The following CDH13 variants were observed in gnomAD, a reference collection of about 807,000 sequenced individuals.
CDH13 encodes cadherin-13.
A neutral mutation model predicts 63.8 loss-of-function variants in CDH13; 24 were observed. That is an observed-to-expected ratio of 0.38 (90% CI 0.27 to 0.53). CDH13 has a LOEUF of 0.53. Among genes scored for constraint, CDH13 ranks in the 20% least tolerant of loss-of-function variants. The probability of loss-of-function intolerance (pLI) is 0.85; values close to 1 mark genes in which losing one functional copy is unlikely to be tolerated. For synonymous variants in CDH13, 503 were observed against 355.3 expected (o/e 1.42, Z -4.67); for missense variants, 1,049 against 903.1 (o/e 1.16, Z -2.07).
intron 1 of CDH13, among the ~76,000 whole-genome samples, chr16:82,851,766 A>C (rs2039498303): frequency 6.6e-6 from 1 of 151,852 alleles, no homozygotes; most frequent in African/African-American, 2.4e-5. Context: ...GCCTTTGTAA[A>C]CCCTTCCAGG....
intron 2 of CDH13, chr16:82,990,296 G>T (rs1448096945): frequency 6.6e-6 from 1 of 152,136 alleles, no homozygotes; most frequent in Non-Finnish European, 1.5e-5. Flanking sequence ...CAAGGAGGAT[G>T]GCATCATCTT....
intron 3 of CDH13, among the ~76,000 whole-genome samples, chr16:83,104,583 G>C (rs74033154): frequency 0.022 from 3,384 of 151,882 alleles, 137 homozygotes; most frequent in African/African-American, 0.077. Context: ...CTTGAGGTTT[G>C]GGGAAGGCTT....
intron 11 of CDH13, among the ~76,000 whole-genome samples, chr16:83,776,731 T>A (rs1333231660): frequency 6.6e-6 from 1 of 152,198 alleles, no homozygotes; most frequent in Non-Finnish European, 1.5e-5. Context: ...CTTATCCTCG[T>A]AGGGGTCATG....
intron 6 of CDH13, among the ~76,000 whole-genome samples, chr16:83,469,878 G>A (rs1354009056): frequency 2.0e-5 from 3 of 152,208 alleles, no homozygotes; most frequent in South Asian, 2.1e-4. Flanking sequence ...AATACAATGT[G>A]TGCATTACAC....
chr16:82,961,285 G>T (rs34071857), intron 2 of CDH13, among the ~76,000 whole-genome samples: 24,546 of 152,150 alleles, frequency 0.16, 2,050 homozygotes, highest in Middle Eastern at 0.21. Flanking sequence ...ACAGCCGCCC[G>T]TCATTTTCCC....
chr16:82,989,784 C>T (rs1911424923), intron 2 of CDH13, among the ~76,000 whole-genome samples: 1 of 152,226 alleles, frequency 6.6e-6, no homozygotes, highest in Non-Finnish European at 1.5e-5. Flanking sequence ...GCCAGTGACT[C>T]TTTAACCAGG....
At chr16:83,545,095 C>T (rs1018880801) in intron 7 of CDH13, among the ~76,000 whole-genome samples, 1 of 152,020 alleles carries the variant, frequency 6.6e-6, no homozygotes, top group Non-Finnish European at 1.5e-5. Flanking sequence ...ACTCACAAGC[C>T]CATTGTTAGA....
At chr16:82,942,220 G>A (rs1225976776) in intron 2 of CDH13, among the ~76,000 whole-genome samples, 2 of 152,126 alleles carry the variant, frequency 1.3e-5, no homozygotes, top group African/African-American at 2.4e-5. Context: ...ATGGTGTGAG[G>A]TAGAGGTCAA....
intron 1 of CDH13, among the ~76,000 whole-genome samples, chr16:82,761,652 G>T (rs138847598): frequency 6.6e-6 from 1 of 152,168 alleles, no homozygotes; most frequent in East Asian, 1.9e-4. Context: ...GTCACATAAA[G>T]TTCCAAAAAA....
chr16:83,715,837 C>T (rs1908817644), intron 10 of CDH13, among the ~76,000 whole-genome samples: 1 of 152,092 alleles, frequency 6.6e-6, no homozygotes, highest in Non-Finnish European at 1.5e-5. Flanking sequence ...GGAGTCATAG[C>T]AATTAGGGTG....
intron 8 of CDH13, among the ~76,000 whole-genome samples, chr16:83,667,630 A>G (rs1364907436): frequency 1.3e-5 from 2 of 152,162 alleles, no homozygotes; most frequent in Admixed American, 1.3e-4. Context: ...TTAGGGTAAA[A>G]TAAATTTTTA....
rs117472693 is a variant in CDH13, at chr16:82,952,919, C to G, written c.158-79091C>G. On this transcript the variant is annotated intron_variant, in intron 2 of 13. Coordinates refer to ENST00000567109, the MANE Select transcript of CDH13 (RefSeq NM_001257.5). ...AACCAGAAGACAAGGCTGCCAGGTG[C>G]TCTGACAAAGGACGGAGCAGGGTAT... Among the ~76,000 whole-genome samples the G allele has an allele frequency of 9.3e-3, 1,417 of 152,288 alleles. 8 individuals carry two copies. The highest frequency in any genetic ancestry group is 0.015 in the Non-Finnish European group (1,046 of 68,026).
intron 3 of CDH13, among the ~76,000 whole-genome samples, chr16:83,105,312 G>T (rs2034710383): frequency 6.6e-6 from 1 of 152,196 alleles, no homozygotes; most frequent in South Asian, 2.1e-4. Context: ...TTTTCTCTGA[G>T]TCTGTCCTGG....
chr16:82,750,480 C>T (rs551357813), intron 1 of CDH13, among the ~76,000 whole-genome samples: 41 of 152,256 alleles, frequency 2.7e-4, no homozygotes, highest in Non-Finnish European at 5.3e-4. Flanking sequence ...AACAATTCTT[C>T]CTCCCTTTGC....
chr16:83,746,707 C>T (rs1912619186), intron 10 of CDH13, among the ~76,000 whole-genome samples: 1 of 152,156 alleles, frequency 6.6e-6, no homozygotes, highest in African/African-American at 2.4e-5. Context: ...TGGGGATGTA[C>T]TTCAAAGATG....
At chr16:82,896,590 C>G (rs1304357736) in intron 2 of CDH13, among the ~76,000 whole-genome samples, 1 of 151,644 alleles carries the variant, frequency 6.6e-6, no homozygotes, top group African/African-American at 2.4e-5. Context: ...GCCAAGGTGC[C>G]CAGCTCCAGG....
In CDH13 at chr16:83,698,610, A is replaced by G. The variant is rs549239196; in HGVS notation, c.1538+20149A>G. Among the ~76,000 whole-genome samples, 4 of 152,354 alleles carry G rather than the reference A, an allele frequency of 2.6e-5. No individual in the cohort carries two copies. In the East Asian group the frequency reaches 7.7e-4, roughly 29 times the overall value. On this transcript the variant is annotated intron_variant, in intron 10 of 13. Coordinates refer to ENST00000567109, the MANE Select transcript of CDH13 (RefSeq NM_001257.5). ...CATTCTGCTTCTTGCTAACTCACAC[A>G]GGCGGTATGAGGAGGATGCTTAGCC... is the stretch of plus-strand genomic sequence containing the variant.
At chr16:83,566,323 C>T (rs1462970002) in intron 7 of CDH13, among the ~76,000 whole-genome samples, 1 of 152,204 alleles carries the variant, frequency 6.6e-6, no homozygotes, top group Non-Finnish European at 1.5e-5. Flanking sequence ...TAAAGAATAT[C>T]TGCCCTTTCC....
intron 7 of CDH13, among the ~76,000 whole-genome samples, chr16:83,541,080 A>G (rs1007634361): frequency 2.0e-5 from 3 of 152,042 alleles, no homozygotes; most frequent in African/African-American, 7.2e-5. Context: ...CTCAATCCCC[A>G]GGTCATATGG....
Sources: gnomAD v4.1 joint callset for allele counts (sites outside exome capture counted in the v4.1 genomes callset) on GRCh38, gnomAD v4.1.1 for gene constraint, MANE v1.5 for transcripts, NCBI Gene and HGNC (gene_info 2026-07-23, HGNC 2026-07-21) for gene names.